The following AGBL1 variants were observed in gnomAD, a reference collection of about 807,000 sequenced individuals.
AGBL1 encodes AGBL carboxypeptidase 1.
In AGBL1, 130 loss-of-function variants were observed where a neutral mutation model predicts 118.9. The ratio of observed to expected loss-of-function variants is 1.09; its 90% CI spans 0.95 to 1.26. The LOEUF is 1.26. Among genes scored for constraint, AGBL1 ranks in the 50% most tolerant of loss-of-function variants. AGBL1 has a pLI of 0.00. For missense variants in AGBL1, 1,584 were observed against 1,298.1 expected, an observed-to-expected ratio of 1.22 and a Z score of -3.38; for synonymous variants, 555 against 478.9, an observed-to-expected ratio of 1.16 and a Z score of -2.08.
At chr15:86,650,868 C>T (rs1284311368) in intron 21 of AGBL1, among the ~76,000 whole-genome samples, 1 of 152,188 alleles carries the variant, frequency 6.6e-6, no homozygotes, top group Non-Finnish European at 1.5e-5. Flanking sequence ...ACGCTACTCT[C>T]TGCCAAGGAC....
At chr15:86,352,418 G>A (rs113097398) in intron 17 of AGBL1, among the ~76,000 whole-genome samples, 48 of 151,862 alleles carry the variant, frequency 3.2e-4, no homozygotes, top group Non-Finnish European at 6.8e-4. Context: ...GGAATGTTGT[G>A]AATCAACTGG....
At chr15:86,234,190 A>C (rs531389526) in intron 6 of AGBL1, among the ~76,000 whole-genome samples, 1 of 152,100 alleles carries the variant, frequency 6.6e-6, no homozygotes, top group Non-Finnish European at 1.5e-5. Flanking sequence ...AAAGTGCTCA[A>C]GGTGGCTTGG....
chr15:86,706,976 A>G (rs1455124676), intron 22 of AGBL1, among the ~76,000 whole-genome samples: 1 of 152,126 alleles, frequency 6.6e-6, no homozygotes, highest in African/African-American at 2.4e-5. Context: ...AAAAATGAAT[A>G]GATATAATAA....
At chr15:86,297,639 T>G (rs2079666880) in intron 17 of AGBL1, among the ~76,000 whole-genome samples, 1 of 152,180 alleles carries the variant, frequency 6.6e-6, no homozygotes, top group Non-Finnish European at 1.5e-5. Context: ...GCTTTAAGGT[T>G]TAACCTATTT....
chr15:86,118,909 C>T (rs1363847486), intron 1 of AGBL1, among the ~76,000 whole-genome samples: 1 of 152,132 alleles, frequency 6.6e-6, no homozygotes, highest in Non-Finnish European at 1.5e-5. Context: ...CACTGCTTAC[C>T]AGACAGGGTA....
At chr15:86,196,879 G>GCA (rs59632011) in intron 5 of AGBL1, among the ~76,000 whole-genome samples, 3,838 of 116,840 alleles carry the variant, frequency 0.033, 77 homozygotes, top group Admixed American at 0.054. Context: ...GCGCGCGCGC[G>GCA]CACACACACA....
At chr15:86,440,657 C>T (rs78126883) in intron 18 of AGBL1, among the ~76,000 whole-genome samples, 3 of 152,198 alleles carry the variant, frequency 2.0e-5, no homozygotes, top group East Asian at 3.9e-4. Flanking sequence ...CCCCAAGACA[C>T]ATATTCGTGA....
At chr15:86,964,031 C>CTCTCTCTGTG (rs1183866210) in intron 23 of AGBL1, among the ~76,000 whole-genome samples, 3 of 146,306 alleles carry the variant, frequency 2.1e-5, no homozygotes, top group African/African-American at 7.7e-5. Context: ...CTCTCTCTCT[C>CTCTCTCTGTG]TGTGTGTGTG....
At chr15:86,460,318 C>CAAAAAAAAAAA (rs1168019827) in intron 18 of AGBL1, among the ~76,000 whole-genome samples, 1 of 36,598 alleles carries the variant, frequency 2.7e-5, no homozygotes, top group Non-Finnish European at 4.8e-5. Context: ...CCTATCTCTA[C>CAAAAAAAAAAA]AAAAAAAAAA....
chr15:86,856,491 A>G (rs1242299377), intron 22 of AGBL1, among the ~76,000 whole-genome samples: 5 of 152,218 alleles, frequency 3.3e-5, no homozygotes, highest in African/African-American at 1.2e-4. Flanking sequence ...GTCTTTGTGA[A>G]GCAATTATAT....
At chr15:86,865,471 T>C (rs1332144118) in intron 22 of AGBL1, among the ~76,000 whole-genome samples, 5 of 151,932 alleles carry the variant, frequency 3.3e-5, no homozygotes, top group Admixed American at 3.3e-4. Flanking sequence ...ACCGGAGGAG[T>C]GAATATAGGC....
intron 21 of AGBL1, among the ~76,000 whole-genome samples, chr15:86,601,465 C>T (rs1423385376): frequency 6.6e-6 from 1 of 152,086 alleles, no homozygotes; most frequent in Middle Eastern, 3.2e-3. Flanking sequence ...AAAAATGTGG[C>T]TTTAAAGCTA....
chr15:86,525,675 A>C (rs559998510), intron 19 of AGBL1, among the ~76,000 whole-genome samples: 2 of 152,292 alleles, frequency 1.3e-5, no homozygotes, highest in South Asian at 4.1e-4. Context: ...AGAAGAATGA[A>C]CCTGGATCCC....
intron 18 of AGBL1, among the ~76,000 whole-genome samples, chr15:86,497,683 A>G (rs1692122420): frequency 6.6e-6 from 1 of 151,860 alleles, no homozygotes; most frequent in Non-Finnish European, 1.5e-5. Flanking sequence ...AACCTGGAGT[A>G]TGGGACTCGG....
In AGBL1 at chr15:86,385,007, C is replaced by T. The variant is rs555564839; in HGVS notation, c.2375-12359C>T. On this transcript the variant is annotated intron_variant, in intron 17 of 22. Transcript: ENST00000614907. ...GTGGTGAGGGGCTTTAGTTAGCAAGCTGGCAGAGGGTCTAGGGCTGCATCT... is the reference window on the plus strand; with the variant it reads ...GTGGTGAGGGGCTTTAGTTAGCAAGTTGGCAGAGGGTCTAGGGCTGCATCT... Among the ~76,000 whole-genome samples the T allele has an allele frequency of 4.7e-4, 71 of 152,210 alleles. 1 individual carries two copies. The South Asian group carries it at 0.014, about 30-fold the overall frequency.
intron 21 of AGBL1, among the ~76,000 whole-genome samples, chr15:86,572,909 ATTC>A (rs904421861): frequency 2.6e-5 from 4 of 152,200 alleles, no homozygotes; most frequent in African/African-American, 9.7e-5. Context: ...AGTCTTCAAC[ATTC>A]TTCACCATTT....
chr15:86,516,793 CAA>C (rs3084324), intron 18 of AGBL1, among the ~76,000 whole-genome samples: 39,527 of 98,310 alleles, frequency 0.4, 5,843 homozygotes, highest in East Asian at 0.62. Context: ...AACTCCATCT[CAA>C]AAAAAAAAAA....
chr15:86,924,486 C>T (rs187423097), intron 23 of AGBL1, among the ~76,000 whole-genome samples: 13 of 152,308 alleles, frequency 8.5e-5, no homozygotes, highest in African/African-American at 2.6e-4. Flanking sequence ...GTCAATTCCT[C>T]TGTTAATCAT....
intron 17 of AGBL1, among the ~76,000 whole-genome samples, chr15:86,341,236 T>C (rs2080457163): frequency 6.6e-6 from 1 of 152,154 alleles, no homozygotes; most frequent in Non-Finnish European, 1.5e-5. Context: ...GGCTGGAATG[T>C]TATTATGTAA....
Sources: allele counts gnomAD v4.1 joint callset (sites outside exome capture counted in the v4.1 genomes callset), GRCh38; gene constraint gnomAD v4.1.1; transcripts MANE v1.5; gene names NCBI Gene and HGNC (gene_info 2026-07-23, HGNC 2026-07-21).